The following SLC25A28 variants were observed in gnomAD, a reference collection of about 807,000 sequenced individuals.
The protein encoded by SLC25A28 is mitoferrin-2.
In SLC25A28, 10 loss-of-function variants were observed where a neutral mutation model predicts 31.9. That is an observed-to-expected ratio of 0.31 (90% confidence interval 0.19 to 0.53). The LOEUF (loss-of-function observed/expected upper bound fraction) is 0.53. SLC25A28 is among the 20% of genes least tolerant of loss of function. SLC25A28 has a pLI of 0.95. For missense variants in SLC25A28, 256 were observed against 490.3 expected (o/e 0.52, Z 4.51); for synonymous variants, 208 against 203.6 (o/e 1.02, Z -0.19).
At chr10:99,612,479 T>G in intron 3 of SLC25A28, 64 bp downstream of exon 3, 1 of 1,577,580 alleles carries the variant, frequency 6.3e-7, no homozygotes. Context: ...TGTGCTTTCT[T>G]CTGCAAACTG....
At chr10:99,626,434 C>T in the SLC25A28 span, among the ~76,000 whole-genome samples, 2 of 152,204 alleles carry the variant, frequency 1.3e-5, no homozygotes, top group African/African-American at 4.8e-5. Flanking sequence ...TTTGCTACTC[C>T]TCATCTGGAT....
upstream of SLC25A28, chr10:99,620,861 C>G (rs1026484972): frequency 2.0e-6 from 2 of 985,510 alleles, no homozygotes; most frequent in Non-Finnish European, 2.4e-6. Context: ...GCCTGCAGAG[C>G]TGCGGTCCCT....
At position 99,611,383 on chromosome 10, in the gene SLC25A28, C is replaced by T. The variant is rs2034520702; in HGVS notation, c.578-17G>A. On this transcript the variant is annotated splice_polypyrimidine_tract_variant and intron_variant, in intron 3 of 3. Transcript: ENST00000370495. This position sits in a 1 kb window ranked among gnomAD's most constrained non-coding sequence, Gnocchi z 5.5. ...GCTTGACCACTAGTAGTGCCATCAA[C>T]GAGGAAGGAAATGGTGACAGCAGCC... The T allele has an allele frequency of 9.9e-6, 16 of 1,610,772 alleles. No homozygotes were observed. Among genetic ancestry groups the T allele is most frequent in the Non-Finnish European group, 1.3e-5 (15 of 1,177,786 alleles).
chr10:99,646,412 C>T, the SLC25A28 span, among the ~76,000 whole-genome samples: 307 of 152,322 alleles, frequency 2.0e-3, 1 homozygote, highest in Middle Eastern at 0.01. Flanking sequence ...ATTGGAAAAG[C>T]GCAGTATTAG....
chr10:99,623,068 A>G (rs577033981), upstream of SLC25A28, among the ~76,000 whole-genome samples: 3 of 152,354 alleles, frequency 2.0e-5, no homozygotes, highest in East Asian at 5.8e-4. Context: ...TGTATGGCCA[A>G]GGAAGGCCTT....
the SLC25A28 span, among the ~76,000 whole-genome samples, chr10:99,655,400 A>G: frequency 6.6e-6 from 1 of 152,332 alleles, no homozygotes; most frequent in East Asian, 1.9e-4. Context: ...TTTGAATTAT[A>G]AGTTAATATA....
At chr10:99,622,521 T>A, upstream of SLC25A28, 1 of 410,688 alleles carries the variant, frequency 2.4e-6, no homozygotes, top group Non-Finnish European at 3.3e-6. Context: ...CTCCTTAAGC[T>A]CTTTACATTT....
At chr10:99,655,733 A>G in the SLC25A28 span, among the ~76,000 whole-genome samples, 2 of 152,202 alleles carry the variant, frequency 1.3e-5, no homozygotes, top group African/African-American at 4.8e-5. Context: ...ATTAGCTAAA[A>G]TTGTACCATA....
At chr10:99,622,674 T>C, upstream of SLC25A28, 6 of 985,480 alleles carry the variant, frequency 6.1e-6, no homozygotes, top group Non-Finnish European at 7.2e-6. Context: ...CTCTACCTTT[T>C]AGACATCTCA....
At chr10:99,641,635 C>T in the SLC25A28 span, among the ~76,000 whole-genome samples, 1 of 152,124 alleles carries the variant, frequency 6.6e-6, no homozygotes, top group South Asian at 2.1e-4. Flanking sequence ...GTCATGAAGT[C>T]CTTGCCCATG....
At chr10:99,647,732 G>T in the SLC25A28 span, among the ~76,000 whole-genome samples, 1,752 of 152,214 alleles carry the variant, frequency 0.012, 33 homozygotes, top group African/African-American at 0.04. Flanking sequence ...CTTTGCCTAG[G>T]TCAATGTCCA....
chr10:99,643,974 C>T, the SLC25A28 span, among the ~76,000 whole-genome samples: 3 of 152,170 alleles, frequency 2.0e-5, no homozygotes, highest in Admixed American at 1.3e-4. Flanking sequence ...CCAAGGAGTG[C>T]TTTACTTCCA....
chr10:99,620,832 C>T (rs2034775375), upstream of SLC25A28: 2 of 985,486 alleles, frequency 2.0e-6, no homozygotes, highest in African/African-American at 3.5e-5. Context: ...TAGGGGCCGA[C>T]TTCGGGCCCC....
At chr10:99,627,768 ATTAAG>A in the SLC25A28 span, among the ~76,000 whole-genome samples, 1 of 151,844 alleles carries the variant, frequency 6.6e-6, no homozygotes, top group Non-Finnish European at 1.5e-5. Context: ...AAAATGTACA[ATTAAG>A]TTATTATTAA....
the SLC25A28 span, chr10:99,654,044 A>C: frequency 1.3e-5 from 2 of 152,208 alleles, no homozygotes; most frequent in African/African-American, 4.8e-5. Flanking sequence ...TAGAGAAGTG[A>C]ATGAAAGTTA....
the SLC25A28 span, among the ~76,000 whole-genome samples, chr10:99,636,643 T>C: frequency 1.3e-5 from 2 of 152,068 alleles, no homozygotes; most frequent in African/African-American, 4.8e-5. Flanking sequence ...CAAAAGATCA[T>C]TCAAGGCTAC....
chr10:99,641,949 A>G, the SLC25A28 span, among the ~76,000 whole-genome samples: 5 of 152,156 alleles, frequency 3.3e-5, no homozygotes, highest in South Asian at 1.0e-3. Context: ...TACCAGTACC[A>G]TGCTGTTTTG....
At chr10:99,612,459 C>A in intron 3 of SLC25A28, 84 bp downstream of exon 3, 1 of 1,512,548 alleles carries the variant, frequency 6.6e-7, no homozygotes, top group Non-Finnish European at 9.1e-7. Flanking sequence ...GAATTTCCCA[C>A]CAAAACTGAT....
At chr10:99,623,272 C>A (rs1331469363), upstream of SLC25A28, among the ~76,000 whole-genome samples, 1 of 152,158 alleles carries the variant, frequency 6.6e-6, no homozygotes, top group Non-Finnish European at 1.5e-5. Context: ...GGGAATACAA[C>A]ACGAAGTTGG....
Sources: gnomAD v4.1 joint callset for allele counts (sites outside exome capture counted in the v4.1 genomes callset) on GRCh38, gnomAD v4.1.1 for gene constraint, Gnocchi (gnomAD v3.1) non-coding constraint, MANE v1.5 for transcripts, NCBI Gene and HGNC (gene_info 2026-07-23, HGNC 2026-07-21) for gene names.